ELN: variants seen among roughly 807,000 people sequenced by gnomAD.
ELN encodes the protein tropoelastin.
ELN carries 65 observed loss-of-function variants against 105.8 expected under a neutral mutation model. The observed-to-expected ratio is 0.61, with a 90% CI of 0.50 to 0.75. ELN has a LOEUF of 0.75. ELN is among the 30% of genes least tolerant of loss of function. ELN has a pLI of 0.00. For missense variants in ELN, 882 were observed against 969.4 expected, an observed-to-expected ratio of 0.91 and a Z score of 1.20; for synonymous variants, 368 against 389.2, an observed-to-expected ratio of 0.95 and a Z score of 0.64.
chr7:74,060,546 G>A (rs1796413032), intron 25 of ELN, 45 bp downstream of exon 25: 1 of 1,614,052 alleles, frequency 6.2e-7, no homozygotes, highest in African/African-American at 1.3e-5. Flanking sequence ...TGAGCTCAGG[G>A]AAGGAGATCC....
intron 12 of ELN, 85 bp downstream of exon 12, chr7:74,046,852 G>T: frequency 6.7e-7 from 1 of 1,490,946 alleles, no homozygotes; most frequent in Non-Finnish European, 9.3e-7. Flanking sequence ...GGGAGGCTAA[G>T]GCGGGCAGAT....
chr7:74,036,452 C>A, intron 2 of ELN, 103 bp from the exon 3 acceptor site: 1 of 1,515,304 alleles, frequency 6.6e-7, no homozygotes, highest in South Asian at 1.1e-5. Flanking sequence ...TGCCCAAGGT[C>A]ACGTAGTTAG....
At position 74,060,422 on chromosome 7, in the gene ELN, T is replaced by A; in HGVS notation, c.1668T>A (p.Gly556=). The A allele has an allele frequency of 6.2e-7, 1 of 1,614,202 alleles. No individual in the cohort carries two copies. Among genetic ancestry groups the A allele is most frequent in the Non-Finnish European group, 8.5e-7 (1 of 1,180,028 alleles). The change falls in exon 25 of 33, where the codon GGT becomes GGA. Residue 556 remains glycine, a synonymous_variant. Coordinates refer to ENST00000252034, the MANE Select transcript of ELN (RefSeq NM_000501.4). ...CTGGCATCCCTGGACTTGGAGTTGG[T>A]GTCGGCGTCCCTGGACTTGGAGTTG... ...LGAGIPGLGV[G]VGVPGLGVGA... is the part of the protein sequence containing the mutation.
intron 31 of ELN, among the ~76,000 whole-genome samples, 197 bp from the exon 32 acceptor site, chr7:74,066,535 C>A (rs1554689372): frequency 6.6e-6 from 1 of 152,006 alleles, no homozygotes; most frequent in Non-Finnish European, 1.5e-5. Flanking sequence ...CCACTGCACT[C>A]CAGCCTGGGT....
At chr7:74,040,590 C>T (rs1554667923) in intron 4 of ELN, among the ~76,000 whole-genome samples, 1 of 152,174 alleles carries the variant, frequency 6.6e-6, no homozygotes, top group African/African-American at 2.4e-5. Flanking sequence ...TAGAAACAAA[C>T]CTGGCATGGT....
intron 4 of ELN, 34 bp from the exon 5 acceptor site, chr7:74,041,182 T>A (rs782726412): frequency 6.2e-7 from 1 of 1,613,838 alleles, no homozygotes; most frequent in East Asian, 2.2e-5. Flanking sequence ...CTAGGAACAC[T>A]GCCTACACTC....
intron 31 of ELN, 150 bp downstream of exon 31, chr7:74,066,147 C>A: frequency 8.7e-7 from 1 of 1,151,510 alleles, no homozygotes; most frequent in Non-Finnish European, 1.3e-6. Context: ...TGCAGATGTA[C>A]TGGGCAAACG....
At chr7:74,033,915 G>A (rs1789290874) in intron 1 of ELN, among the ~76,000 whole-genome samples, 1 of 152,196 alleles carries the variant, frequency 6.6e-6, no homozygotes, top group Non-Finnish European at 1.5e-5. Context: ...GGTGGAGGCA[G>A]GGCCCCCGGT....
intron 4 of ELN, among the ~76,000 whole-genome samples, chr7:74,040,376 G>A (rs2131355551): frequency 6.6e-6 from 1 of 152,352 alleles, no homozygotes; most frequent in East Asian, 1.9e-4. Context: ...CTTCTTACAT[G>A]AGGCTGGCTG....
At chr7:74,043,694 T>C (rs1045017763) in intron 8 of ELN, 185 bp from the exon 9 acceptor site, 6 of 729,792 alleles carry the variant, frequency 8.2e-6, no homozygotes, top group Non-Finnish European at 1.2e-5. Flanking sequence ...ACCGAAGAGT[T>C]TGCAGATGAC....
intron 17 of ELN, 117 bp downstream of exon 17, chr7:74,052,100 A>G: frequency 8.7e-7 from 1 of 1,143,724 alleles, no homozygotes; most frequent in South Asian, 1.3e-5. Flanking sequence ...TGCATTGTTC[A>G]TGCCTCCTTA....
At chr7:74,028,630 C>G (rs139284410) in intron 1 of ELN, among the ~76,000 whole-genome samples, 1 of 152,278 alleles carries the variant, frequency 6.6e-6, no homozygotes, top group Non-Finnish European at 1.5e-5. Flanking sequence ...ACACCACAGT[C>G]TGCACACCTG....
chr7:74,041,148 C>T (rs1791107978), intron 4 of ELN, 68 bp from the exon 5 acceptor site: 1 of 1,609,138 alleles, frequency 6.2e-7, no homozygotes, highest in Non-Finnish European at 8.5e-7. Context: ...GCCCTAACTC[C>T]AGGAGACATT....
In ELN at chr7:74,028,214, G is replaced by A. The variant is rs781942461; in HGVS notation, c.27G>A (p.Pro9=). MAGLTAAA[P]RPGVLLLLLS... ...TGGCGGGTCTGACGGCGGCGGCCCCGCGGCCCGGAGTCCTCCTGCTCCTGC... is the reference window on the plus strand; with the variant it reads ...TGGCGGGTCTGACGGCGGCGGCCCCACGGCCCGGAGTCCTCCTGCTCCTGC... The change falls in exon 1 of 33, where the codon CCG becomes CCA. Residue 9 remains proline, a synonymous_variant. Coordinates refer to ENST00000252034, the MANE Select transcript of ELN (RefSeq NM_000501.4). The A allele has an allele frequency of 1.3e-5, 21 of 1,611,102 alleles. No individual in the cohort carries two copies. The highest frequency in any genetic ancestry group is 2.2e-5 in the South Asian group (2 of 90,902).
In ELN at chr7:74,056,829, C is replaced by T. The variant is rs1345336559; in HGVS notation, c.1357+116C>T. Reference sequence around the variant, plus strand: ...GGACTGAAATGGCCTGGACCAAGGTCACGAGGCCCCTGCCCCATCTTCCAA... The same window carrying T: ...GGACTGAAATGGCCTGGACCAAGGTTACGAGGCCCCTGCCCCATCTTCCAA... On this transcript the variant is annotated intron_variant, in intron 21 of 32. Transcript: ENST00000252034. 3.8e-6 allele frequency: 5 copies of T among 1,322,208 alleles called. No homozygotes were observed. In the African/African-American group the frequency reaches 7.2e-5, roughly 19 times the overall value. The allele number at this position is 1,322,208 out of a possible 1,614,324, so 81.9% of individuals were successfully genotyped here.
intron 15 of ELN, among the ~76,000 whole-genome samples, chr7:74,049,844 TC>T (rs1793521460): frequency 7.5e-6 from 1 of 133,632 alleles, no homozygotes; most frequent in Admixed American, 7.4e-5. Flanking sequence ...ATCCATCCAT[TC>T]ATCCATCCAC....
intron 21 of ELN, among the ~76,000 whole-genome samples, chr7:74,057,163 G>A (rs777777706): frequency 1.1e-4 from 16 of 152,178 alleles, no homozygotes; most frequent in African/African-American, 1.7e-4. Context: ...GCTTGAACCC[G>A]GGAGGTAGAG....
At chr7:74,039,487 C>T (rs1355500230) in intron 4 of ELN, among the ~76,000 whole-genome samples, 1 of 152,242 alleles carries the variant, frequency 6.6e-6, no homozygotes, top group Non-Finnish European at 1.5e-5. Context: ...GGAGCACAGG[C>T]AGCGCGTGTC....
At chr7:74,052,867 A>T in intron 17 of ELN, 1 of 440,648 alleles carries the variant, frequency 2.3e-6, no homozygotes, top group Non-Finnish European at 4.1e-6. Context: ...GAGAGAAAGA[A>T]AGAAAGAGAG....
Sources: allele counts gnomAD v4.1 joint callset (sites outside exome capture counted in the v4.1 genomes callset), GRCh38; gene constraint gnomAD v4.1.1; transcripts MANE v1.5; gene names NCBI Gene and HGNC (gene_info 2026-07-23, HGNC 2026-07-21).